CLEC16A: variants seen among roughly 807,000 people sequenced by gnomAD.
The protein encoded by CLEC16A is protein CLEC16A.
In CLEC16A, 51 loss-of-function variants were observed where a neutral mutation model predicts 109.5. That is an observed-to-expected ratio of 0.47 (90% CI 0.37 to 0.59). CLEC16A has a LOEUF of 0.59. CLEC16A is among the 20% of genes least tolerant of loss of function. The pLI, the probability that CLEC16A is intolerant of heterozygous loss-of-function variation, is 0.00. For missense variants in CLEC16A, 1,339 were observed against 1,394.0 expected, an observed-to-expected ratio of 0.96 and a Z score of 0.63; for synonymous variants, 673 against 564.2, an observed-to-expected ratio of 1.19 and a Z score of -2.73.
Position 11,182,040 on chromosome 16 carries a change from C to T in CLEC16A, c.*3350C>T, listed in dbSNP as rs906490719. The stretch of plus-strand genomic sequence containing the variant: ...ACCGAGGGTTAGAAAACCTCGATGC[C>T]TCTGAGCCTCGGGACCGCTCTAGGG... On this transcript the variant is annotated 3_prime_UTR_variant, in exon 24 of 24. Coordinates refer to ENST00000409790, the MANE Select transcript of CLEC16A (RefSeq NM_015226.3). 1 of 152,446 alleles carries T rather than the reference C, an allele frequency of 6.6e-6. No homozygotes were observed. The highest frequency in any genetic ancestry group is 1.5e-5 in the Non-Finnish European group (1 of 68,044). 9.4% of individuals were successfully genotyped at this position (152,446 alleles called of 1,614,324 possible). A position where few individuals can be genotyped will look rare whatever the true frequency, so the allele number is the denominator to read the frequency against.
At chr16:11,169,085 A>T (rs938088713) in intron 23 of CLEC16A, among the ~76,000 whole-genome samples, 1 of 152,314 alleles carries the variant, frequency 6.6e-6, no homozygotes, top group Admixed American at 6.5e-5. Context: ...ACAGCAGAAG[A>T]CAGCTGCAGC....
rs181749284 is a variant in CLEC16A, at chr16:11,061,963, C to G, written c.2116+941C>G. Reference sequence around the variant, plus strand: ...TCAGCAGCCCCAAGATTTGTTGAGCCAGCTACACAGCCCTGATGGAAAGAG... The same window carrying G: ...TCAGCAGCCCCAAGATTTGTTGAGCGAGCTACACAGCCCTGATGGAAAGAG... On this transcript the variant is annotated intron_variant, in intron 19 of 23. Coordinates refer to ENST00000409790, the MANE Select transcript of CLEC16A (RefSeq NM_015226.3). Among the ~76,000 whole-genome samples the G allele has an allele frequency of 3.0e-3, 452 of 152,262 alleles. 5 individuals are homozygous for G. The highest frequency in any genetic ancestry group is 0.01 in the African/African-American group (429 of 41,528).
intron 20 of CLEC16A, among the ~76,000 whole-genome samples, chr16:11,121,407 C>T (rs1031543111): frequency 6.6e-6 from 1 of 152,168 alleles, no homozygotes; most frequent in Non-Finnish European, 1.5e-5. Context: ...CTGGGGTGTA[C>T]TAATTTTAAG....
intron 23 of CLEC16A, among the ~76,000 whole-genome samples, chr16:11,166,775 C>T (rs775697234): frequency 7.2e-5 from 11 of 152,172 alleles, no homozygotes; most frequent in East Asian, 1.9e-4. Context: ...TTTTTCAGGC[C>T]GGTCCCCACC....
intron 19 of CLEC16A, among the ~76,000 whole-genome samples, chr16:11,073,087 C>T (rs2049159879): frequency 6.6e-6 from 1 of 152,190 alleles, no homozygotes; most frequent in South Asian, 2.1e-4. Flanking sequence ...TTGCTTAGTG[C>T]TGACTCTGAA....
At chr16:10,987,551 T>C (rs896341553) in intron 10 of CLEC16A, among the ~76,000 whole-genome samples, 2 of 152,190 alleles carry the variant, frequency 1.3e-5, no homozygotes, top group Admixed American at 1.3e-4. Flanking sequence ...AATGAGACTC[T>C]GTAGCGTGGA....
At chr16:11,147,027 T>C (rs2054090029) in intron 22 of CLEC16A, among the ~76,000 whole-genome samples, 1 of 152,056 alleles carries the variant, frequency 6.6e-6, no homozygotes, top group Non-Finnish European at 1.5e-5. Flanking sequence ...AAGGCTTCTC[T>C]GAGGAAAGGA....
At chr16:11,032,639 G>A (rs1411614318) in intron 13 of CLEC16A, among the ~76,000 whole-genome samples, 1 of 152,226 alleles carries the variant, frequency 6.6e-6, no homozygotes, top group Non-Finnish European at 1.5e-5. Flanking sequence ...CTAGGTGCTA[G>A]TCAGGGTGGT....
intron 22 of CLEC16A, among the ~76,000 whole-genome samples, chr16:11,154,134 G>A (rs916396871): frequency 6.6e-6 from 1 of 152,212 alleles, no homozygotes. Flanking sequence ...TGGAGAATTG[G>A]GGAAAGCCAT....
intron 11 of CLEC16A, among the ~76,000 whole-genome samples, chr16:11,010,771 G>A (rs1040740330): frequency 6.6e-6 from 1 of 152,174 alleles, no homozygotes; most frequent in Non-Finnish European, 1.5e-5. Flanking sequence ...GGCGGGTGGT[G>A]CCTTCCGTTG....
At chr16:11,168,527 A>T (rs1175575493) in intron 23 of CLEC16A, among the ~76,000 whole-genome samples, 3 of 152,250 alleles carry the variant, frequency 2.0e-5, no homozygotes, top group Admixed American at 2.0e-4. Context: ...AGACACTGAG[A>T]CAACTCACCT....
In CLEC16A at chr16:11,178,717, G is replaced by A. The variant is rs201106003; in HGVS notation, c.*27G>A. 6.1e-5 allele frequency: 88 copies of A among 1,432,350 alleles called. No homozygotes were observed. In the African/African-American group the frequency reaches 1.1e-3, roughly 19 times the overall value. 88.7% of individuals were successfully genotyped at this position (1,432,350 alleles called of 1,614,324 possible). On this transcript the variant is annotated 3_prime_UTR_variant, in exon 24 of 24. Transcript: ENST00000409790. The surrounding 1 kb of genome is among the most constrained non-coding windows in gnomAD (Gnocchi z 6.5). ...TCAGTGCCGGGGCCTCCCTTTGTGT[G>A]TGTGGCCCCGCTGGTAGGGACCCCA...
chr16:11,001,885 C>T lies in CLEC16A; in HGVS notation c.1072-1189C>T, dbSNP rs547703426. Among the ~76,000 whole-genome samples, 3 of 152,316 alleles carry T rather than the reference C, an allele frequency of 2.0e-5. No individual in the cohort carries two copies. The South Asian group carries it at 6.2e-4, about 32-fold the overall frequency. On this transcript the variant is annotated intron_variant, in intron 10 of 23. Coordinates refer to ENST00000409790, the MANE Select transcript of CLEC16A (RefSeq NM_015226.3). ...ACTTATTGCTGATACTTACTAGGCTCCCTTTCTAATGAGAGCCAGAATTTG... is the reference window on the plus strand; with the variant it reads ...ACTTATTGCTGATACTTACTAGGCTTCCTTTCTAATGAGAGCCAGAATTTG...
chr16:11,009,551 C>A (rs2045269355), intron 11 of CLEC16A, among the ~76,000 whole-genome samples: 1 of 152,174 alleles, frequency 6.6e-6, no homozygotes, highest in African/African-American at 2.4e-5. Flanking sequence ...GGATGGTAAT[C>A]ACATTACTCA....
intron 13 of CLEC16A, chr16:11,027,028 C>T (rs1367829600): frequency 3.6e-5 from 56 of 1,568,584 alleles, no homozygotes; most frequent in Non-Finnish European, 4.6e-5. Context: ...AGAAAGATGG[C>T]GGAGGAAGAG....
intron 8 of CLEC16A, among the ~76,000 whole-genome samples, chr16:10,977,709 C>T (rs970809271): frequency 6.6e-6 from 1 of 152,050 alleles, no homozygotes; most frequent in African/African-American, 2.4e-5. Context: ...GAGACGGCGG[C>T]ATTTCACCAT....
intron 22 of CLEC16A, chr16:11,126,480 C>T (rs2052829214): frequency 1.8e-6 from 2 of 1,095,818 alleles, no homozygotes; most frequent in African/African-American, 1.6e-5. Context: ...ATTTCCTTCT[C>T]CATGTAAGAT....
chr16:11,164,452 C>T (rs1228241617), intron 22 of CLEC16A, among the ~76,000 whole-genome samples: 1 of 152,282 alleles, frequency 6.6e-6, no homozygotes, highest in Non-Finnish European at 1.5e-5. Flanking sequence ...TAAGCTGAGC[C>T]GCAGGTCCCA....
At chr16:10,997,945 C>T (rs1480194315) in intron 10 of CLEC16A, among the ~76,000 whole-genome samples, 1 of 152,178 alleles carries the variant, frequency 6.6e-6, no homozygotes, top group African/African-American at 2.4e-5. Context: ...CTGCTGTACC[C>T]ACACCTGGTG....
Sources: allele counts gnomAD v4.1 joint callset (sites outside exome capture counted in the v4.1 genomes callset), GRCh38; gene constraint gnomAD v4.1.1; non-coding constraint Gnocchi (gnomAD v3.1); transcripts MANE v1.5; gene names NCBI Gene and HGNC (gene_info 2026-07-23, HGNC 2026-07-21).